PLS1: variants seen among roughly 807,000 people sequenced by gnomAD.
The protein encoded by PLS1 is plastin 1.
A neutral mutation model predicts 73.7 loss-of-function variants in PLS1; 32 were observed. The observed-to-expected ratio is 0.43, with a 90% CI of 0.33 to 0.58. PLS1 has a LOEUF of 0.58. Ranked by LOEUF, PLS1 falls within the 20% of genes least tolerant of loss-of-function variation. The pLI, the probability that PLS1 is intolerant of heterozygous loss-of-function variation, is 0.04. For synonymous variants in PLS1, 217 were observed against 261.3 expected, an observed-to-expected ratio of 0.83 and a Z score of 1.63; for missense variants, 633 against 740.5, an observed-to-expected ratio of 0.85 and a Z score of 1.68.
At position 142,704,547 on chromosome 3, in the gene PLS1, T is replaced by A. The variant is rs2038410155; in HGVS notation, c.1590T>A (p.Leu530=). ...EIIIKWVNQT[L]KSANKKTSIS... ...TAATTAAATGGGTCAATCAGACTCT[T>A]AAAAGTGCAAACAAAAAGACTTCTA... The change falls in exon 14 of 16, where the codon CTT becomes CTA. Residue 530 remains leucine (L), a synonymous_variant. Transcript: ENST00000457734. The A allele has an allele frequency of 6.3e-7, 1 of 1,598,356 alleles. No individual in the cohort carries two copies. The highest frequency in any genetic ancestry group is 1.4e-5 in the African/African-American group (1 of 74,028).
At chr3:142,621,464 A>G (rs947290133) in intron 1 of PLS1, among the ~76,000 whole-genome samples, 3 of 152,248 alleles carry the variant, frequency 2.0e-5, no homozygotes, top group African/African-American at 4.8e-5. Context: ...GAATGCTTAA[A>G]TAAATCATGG....
chr3:142,698,181 A>G (rs931361365), intron 12 of PLS1, 114 bp downstream of exon 12: 2 of 637,754 alleles, frequency 3.1e-6, no homozygotes, highest in Admixed American at 5.8e-5. Flanking sequence ...TCAGACCAAA[A>G]TGTGTTAAGC....
At chr3:142,662,832 G>A (rs1053288618) in intron 1 of PLS1, among the ~76,000 whole-genome samples, 4 of 152,220 alleles carry the variant, frequency 2.6e-5, no homozygotes, top group Admixed American at 2.6e-4. Context: ...TAGTGACAAT[G>A]TGTTAGTACC....
In PLS1 at chr3:142,697,874, C is replaced by A. The variant is rs1010975504; in HGVS notation, c.1257-79C>A. On this transcript the variant is annotated intron_variant, in intron 11 of 15. Transcript: ENST00000457734. ...GACTTATGTTCTTAAAGATATAAGT[C>A]TATCTCCAGTGTACTTAATAAAATT... The A allele has an allele frequency of 4.1e-6, 3 of 738,920 alleles. No homozygotes were observed. In the Admixed American group the frequency reaches 6.3e-5, roughly 16 times the overall value. 45.8% of individuals were successfully genotyped at this position (738,920 alleles called of 1,614,324 possible). A position where few individuals can be genotyped will look rare whatever the true frequency, so the allele number is the denominator to read the frequency against.
rs528866157 is a variant in PLS1, at chr3:142,602,994, C to G, written c.-37+6485C>G. Among the ~76,000 whole-genome samples, 5 of 152,344 alleles carry G rather than the reference C, an allele frequency of 3.3e-5. No homozygotes were observed. In the South Asian group the frequency reaches 1.0e-3, roughly 32 times the overall value. On this transcript the variant is annotated intron_variant, in intron 1 of 15. Coordinates refer to ENST00000457734, the MANE Select transcript of PLS1 (RefSeq NM_001145319.2). The stretch of plus-strand genomic sequence containing the variant: ...CTCTGGCCCTCATTCTCTCAACATT[C>G]AAAAGCTTGTCACTTCATCCAGTTC...
chr3:142,700,557 C>T (rs1425611246), intron 12 of PLS1, among the ~76,000 whole-genome samples: 2 of 152,118 alleles, frequency 1.3e-5, no homozygotes, highest in African/African-American at 2.4e-5. Flanking sequence ...CTCCTGACCT[C>T]GTGATCCACC....
At chr3:142,646,420 C>T (rs1227435950) in intron 1 of PLS1, among the ~76,000 whole-genome samples, 1 of 152,212 alleles carries the variant, frequency 6.6e-6, no homozygotes, top group African/African-American at 2.4e-5. Flanking sequence ...GGACGGCATG[C>T]TTGCATTTGC....
intron 1 of PLS1, among the ~76,000 whole-genome samples, chr3:142,620,766 C>T (rs1278527101): frequency 6.6e-6 from 1 of 152,126 alleles, no homozygotes; most frequent in Non-Finnish European, 1.5e-5. Context: ...TGCCTGTAAT[C>T]ACAGCACTTT....
At chr3:142,663,314 C>G (rs2037411125) in intron 1 of PLS1, among the ~76,000 whole-genome samples, 1 of 152,166 alleles carries the variant, frequency 6.6e-6, no homozygotes, top group Non-Finnish European at 1.5e-5. Flanking sequence ...TGTTAATTTT[C>G]TGTTTGGGAC....
At position 142,678,421 on chromosome 3, in the gene PLS1, C is replaced by G. The variant is rs1262671236; in HGVS notation, c.579+308C>G. On this transcript the variant is annotated intron_variant, in intron 6 of 15. Coordinates refer to ENST00000457734, the MANE Select transcript of PLS1 (RefSeq NM_001145319.2). Reference sequence around the variant, plus strand: ...ATATCTCCTAAAGCTATCCCTCCCCCCTCCCCCCACCCCACAACAGTCCCC... The same window carrying G: ...ATATCTCCTAAAGCTATCCCTCCCCGCTCCCCCCACCCCACAACAGTCCCC... Among the ~76,000 whole-genome samples, 6 of 100,908 alleles carry G rather than the reference C, an allele frequency of 5.9e-5. 1 individual carries two copies. The highest frequency in any genetic ancestry group is 2.3e-4 in the African/African-American group (6 of 25,928). 66.2% of individuals were successfully genotyped at this position (100,908 alleles called of 152,430 possible). A position where few individuals can be genotyped will look rare whatever the true frequency, so the allele number is the denominator to read the frequency against.
chr3:142,622,104 TC>T (rs1450140942), intron 1 of PLS1, among the ~76,000 whole-genome samples: 3 of 147,878 alleles, frequency 2.0e-5, no homozygotes, highest in African/African-American at 7.7e-5. Flanking sequence ...ACAGAATATT[TC>T]CTTACATTCG....
At chr3:142,653,444 C>T (rs1250667939) in intron 1 of PLS1, among the ~76,000 whole-genome samples, 2 of 150,118 alleles carry the variant, frequency 1.3e-5, no homozygotes, top group Non-Finnish European at 3.0e-5. Context: ...CACTGCAACC[C>T]ACACCTCCCG....
chr3:142,691,622 T>G (rs147210010), intron 10 of PLS1, among the ~76,000 whole-genome samples: 1 of 152,184 alleles, frequency 6.6e-6, no homozygotes, highest in Non-Finnish European at 1.5e-5. Context: ...TTATTTACTG[T>G]CTATTAAGAT....
intron 1 of PLS1, among the ~76,000 whole-genome samples, chr3:142,606,767 A>G (rs2036027006): frequency 6.6e-6 from 1 of 152,222 alleles, no homozygotes; most frequent in Non-Finnish European, 1.5e-5. Context: ...GTTGTAGCAC[A>G]TATCAAGACT....
intron 1 of PLS1, among the ~76,000 whole-genome samples, chr3:142,601,126 T>C (rs930951206): frequency 7.4e-5 from 11 of 149,446 alleles, no homozygotes; most frequent in South Asian, 4.3e-4. Context: ...GGGGTTTCAC[T>C]GTGTTAGCCA....
At chr3:142,630,593 T>C (rs1172164143) in intron 1 of PLS1, among the ~76,000 whole-genome samples, 2 of 150,456 alleles carry the variant, frequency 1.3e-5, no homozygotes, top group African/African-American at 4.9e-5. Flanking sequence ...TCTACTAAAA[T>C]TACAAAAATT....
rs77485542 is a variant in PLS1 at position 142,600,683 on chromosome 3, C to T, written c.-37+4174C>T. Among the ~76,000 whole-genome samples, 920 of 151,638 alleles carry T rather than the reference C, an allele frequency of 6.1e-3. 10 individuals are homozygous for T. Among genetic ancestry groups the T allele is most frequent in the African/African-American group, 0.021 (863 of 41,322 alleles). On this transcript the variant is annotated intron_variant, in intron 1 of 15. Transcript: ENST00000457734. ...AGCCTTTCCATTGAGCTGCACACAGCGATGAGGGAGCTGTTGGATGCCACA... is the reference window on the plus strand; with the variant it reads ...AGCCTTTCCATTGAGCTGCACACAGTGATGAGGGAGCTGTTGGATGCCACA...
intron 1 of PLS1, among the ~76,000 whole-genome samples, chr3:142,607,526 G>A (rs547854592): frequency 4.3e-4 from 65 of 152,262 alleles, no homozygotes; most frequent in Admixed American, 1.4e-3. Flanking sequence ...CACCCGCCTC[G>A]GCCTCCCAGA....
intron 1 of PLS1, among the ~76,000 whole-genome samples, chr3:142,634,073 A>C (rs2036624727): frequency 6.6e-6 from 1 of 152,258 alleles, no homozygotes; most frequent in Non-Finnish European, 1.5e-5. Context: ...CAGATTAGAC[A>C]TTGCAGAAGA....
Sources: gnomAD v4.1 joint callset for allele counts (sites outside exome capture counted in the v4.1 genomes callset) on GRCh38, gnomAD v4.1.1 for gene constraint, MANE v1.5 for transcripts, NCBI Gene and HGNC (gene_info 2026-07-23, HGNC 2026-07-21) for gene names.